RASAL2: variants seen among roughly 807,000 people sequenced by gnomAD.
The protein encoded by RASAL2 is ras GTPase-activating protein nGAP.
Under a neutral mutation model 128.9 loss-of-function variants are expected in RASAL2, and 58 were observed. The observed-to-expected ratio is 0.45, with a 90% confidence interval of 0.36 to 0.56. The LOEUF is 0.56. RASAL2 is among the 20% of genes least tolerant of loss of function. RASAL2 has a pLI of 0.00. For missense variants in RASAL2, 1,360 were observed against 1,601.6 expected (o/e 0.85, Z 2.57); for synonymous variants, 561 against 580.8 (o/e 0.97, Z 0.49).
chr1:178,324,414 GAA>G (rs546256498), intron 3 of RASAL2, among the ~76,000 whole-genome samples: 2 of 136,828 alleles, frequency 1.5e-5, no homozygotes. Context: ...CGATCTCTAG[GAA>G]AAAAAAAAAA....
At chr1:178,404,955 T>A (rs1180363088) in intron 4 of RASAL2, among the ~76,000 whole-genome samples, 1 of 152,142 alleles carries the variant, frequency 6.6e-6, no homozygotes, top group Non-Finnish European at 1.5e-5. Context: ...GCGCTGGGAT[T>A]ACAGGGATGA....
intron 8 of RASAL2, among the ~76,000 whole-genome samples, chr1:178,443,973 A>G (rs1441359601): frequency 6.6e-6 from 1 of 152,170 alleles, no homozygotes; most frequent in Non-Finnish European, 1.5e-5. Flanking sequence ...AGAACCAAAC[A>G]AAGTACTATT....
intron 1 of RASAL2, among the ~76,000 whole-genome samples, chr1:178,116,543 T>A (rs931975808): frequency 2.0e-5 from 3 of 151,992 alleles, no homozygotes; most frequent in African/African-American, 7.3e-5. Context: ...TTTTTTTTTT[T>A]AAAGGAGGAA....
intron 3 of RASAL2, among the ~76,000 whole-genome samples, chr1:178,331,143 A>G (rs1031195810): frequency 7.2e-5 from 11 of 152,224 alleles, no homozygotes; most frequent in African/African-American, 2.7e-4. Context: ...GTAGTACCTT[A>G]GAAGTGGTGA....
intron 3 of RASAL2, among the ~76,000 whole-genome samples, chr1:178,339,871 A>G (rs1205056018): frequency 2.0e-5 from 3 of 152,170 alleles, no homozygotes; most frequent in Admixed American, 1.3e-4. Flanking sequence ...GGTCAAGTGA[A>G]TAATAAGAAA....
intron 1 of RASAL2, among the ~76,000 whole-genome samples, chr1:178,248,356 T>C (rs1453664431): frequency 1.3e-5 from 2 of 152,198 alleles, no homozygotes; most frequent in Non-Finnish European, 2.9e-5. Context: ...TCTTTGTTGG[T>C]TTAAAGTCTG....
chr1:178,130,025 T>C (rs1375011834), intron 1 of RASAL2, among the ~76,000 whole-genome samples: 1 of 152,222 alleles, frequency 6.6e-6, no homozygotes, highest in Non-Finnish European at 1.5e-5. Flanking sequence ...GTTTCCCTTT[T>C]TATGATACAC....
chr1:178,304,806 G>A (rs964617411), intron 3 of RASAL2, among the ~76,000 whole-genome samples: 4 of 152,172 alleles, frequency 2.6e-5, no homozygotes, highest in Admixed American at 2.6e-4. Context: ...AGCTAGAGCA[G>A]TCAGACAAGA....
chr1:178,453,201 AATATAT>A (rs1377042097), intron 11 of RASAL2, among the ~76,000 whole-genome samples: 1 of 151,886 alleles, frequency 6.6e-6, no homozygotes, highest in African/African-American at 2.4e-5. Flanking sequence ...AAGTTGGAAA[AATATAT>A]ATATATGTCC....
intron 1 of RASAL2, among the ~76,000 whole-genome samples, chr1:178,224,818 CT>C (rs1193350534): frequency 6.6e-6 from 1 of 152,090 alleles, no homozygotes; most frequent in Non-Finnish European, 1.5e-5. Flanking sequence ...CATGTTTTCC[CT>C]TTTCATCTCT....
chr1:178,165,277 C>T lies in RASAL2; in HGVS notation c.202+70583C>T, dbSNP rs1266034570. On this transcript the variant is annotated intron_variant, in intron 1 of 17. Transcript: ENST00000367649. The stretch of plus-strand genomic sequence containing the variant: ...TATGAATGTGTATGTACAGTTAGCC[C>T]TCTGCATCTGTGGATTCAACCAACC... 2.6e-5 allele frequency among the ~76,000 whole-genome samples: 4 copies of T among 152,050 alleles called. No individual in the cohort carries two copies. The East Asian group carries it at 5.8e-4, about 22-fold the overall frequency.
chr1:178,388,580 A>G (rs1213848507), intron 3 of RASAL2, among the ~76,000 whole-genome samples: 1 of 152,216 alleles, frequency 6.6e-6, no homozygotes, highest in Non-Finnish European at 1.5e-5. Context: ...AGTCTTTAGG[A>G]ATGTTCCAAT....
At chr1:178,370,274 GA>G (rs1454245312) in intron 3 of RASAL2, among the ~76,000 whole-genome samples, 1 of 152,130 alleles carries the variant, frequency 6.6e-6, no homozygotes, top group Non-Finnish European at 1.5e-5. Flanking sequence ...TCCCTGACAA[GA>G]AAAAAGCAGA....
At chr1:178,139,023 A>C (rs768913107) in intron 1 of RASAL2, among the ~76,000 whole-genome samples, 3 of 152,096 alleles carry the variant, frequency 2.0e-5, no homozygotes, top group Non-Finnish European at 4.4e-5. Context: ...CCTTGTTGTT[A>C]TAGATATATA....
At chr1:178,464,229 C>G (rs1182284017) in intron 14 of RASAL2, 49 bp from the exon 15 acceptor site, 1 of 1,546,788 alleles carries the variant, frequency 6.5e-7, no homozygotes, top group Non-Finnish European at 8.8e-7. Context: ...TGAAACATAG[C>G]ACACGGGTGA....
chr1:178,427,480 T>C (rs1675584168), intron 5 of RASAL2, among the ~76,000 whole-genome samples: 1 of 152,206 alleles, frequency 6.6e-6, no homozygotes, highest in Non-Finnish European at 1.5e-5. Context: ...GTCTACTTTT[T>C]CTTTGTCAAA....
chr1:178,229,291 C>T (rs1294573813), intron 1 of RASAL2, among the ~76,000 whole-genome samples: 1 of 152,112 alleles, frequency 6.6e-6, no homozygotes, highest in Non-Finnish European at 1.5e-5. Flanking sequence ...AATCCACATT[C>T]AGAATTTGTC....
At chr1:178,397,588 C>G (rs1673319560) in intron 4 of RASAL2, among the ~76,000 whole-genome samples, 1 of 151,722 alleles carries the variant, frequency 6.6e-6, no homozygotes, top group Non-Finnish European at 1.5e-5. Context: ...ATAAAAATCA[C>G]TGAGTTGCAT....
chr1:178,268,064 G>C (rs940928884), intron 1 of RASAL2, among the ~76,000 whole-genome samples: 1 of 151,386 alleles, frequency 6.6e-6, no homozygotes, highest in Non-Finnish European at 1.5e-5. Context: ...AGGCATAGTG[G>C]TTCACACCCA....
Sources: gnomAD v4.1 joint callset for allele counts (sites outside exome capture counted in the v4.1 genomes callset) on GRCh38, gnomAD v4.1.1 for gene constraint, MANE v1.5 for transcripts, NCBI Gene and HGNC (gene_info 2026-07-23, HGNC 2026-07-21) for gene names.